The following SETX variants were observed in gnomAD, a reference collection of about 807,000 sequenced individuals.
SETX encodes senataxin.
Under a neutral mutation model 227.2 loss-of-function variants are expected in SETX, and 90 were observed. The observed-to-expected ratio is 0.40, with a 90% CI of 0.33 to 0.47. The LOEUF (loss-of-function observed/expected upper bound fraction) is 0.47. SETX is among the 20% of genes least tolerant of loss of function. SETX has a pLI of 0.91. For synonymous variants in SETX, 1,210 were observed against 1,113.2 expected (o/e 1.09, Z -1.73); for missense variants, 3,052 against 3,181.5 (o/e 0.96, Z 0.98).
At chr9:132,354,423 G>A (rs11243739) in intron 1 of SETX, among the ~76,000 whole-genome samples, 2,711 of 150,058 alleles carry the variant, frequency 0.018, 82 homozygotes, top group African/African-American at 0.063. Context: ...TGGAGCCCAG[G>A]AAGACGAGGT....
chr9:132,328,980 T>A lies in SETX; in HGVS notation c.2618A>T (p.Glu873Val). Residue 873 changes from glutamate (E) to valine (V), a missense_variant, in exon 10 of 26, where the codon GAA (glutamate) becomes GTA (valine). Around this residue, in one of 10 missense-constraint regions of SETX, gnomAD observed 1,483 missense variants for 1,312.0 expected, o/e 1.13. Coordinates refer to ENST00000224140, the MANE Select transcript of SETX (RefSeq NM_015046.7). ...LPKEKQLKNE[E>V]LVIFSFHENN... Reference sequence around the variant, plus strand: ...TTCATGGAAAGAGAAAATAACTAATTCTTCATTCTTTAATTGTTTCTCTTT... The same window carrying A: ...TTCATGGAAAGAGAAAATAACTAATACTTCATTCTTTAATTGTTTCTCTTT... The A allele has an allele frequency of 6.2e-7, 1 of 1,606,404 alleles. No individual in the cohort carries two copies. The highest frequency in any genetic ancestry group is 1.1e-5 in the South Asian group (1 of 89,558).
intron 10 of SETX, among the ~76,000 whole-genome samples, chr9:132,322,956 A>G (rs539739): frequency 0.76 from 115,341 of 151,950 alleles, 44,902 homozygotes; most frequent in Non-Finnish European, 0.84. Flanking sequence ...CAACGGACTT[A>G]GGAGAAAAGT....
chr9:132,309,109 G>C (rs1247546815), intron 11 of SETX, among the ~76,000 whole-genome samples: 4 of 152,272 alleles, frequency 2.6e-5, no homozygotes, highest in Non-Finnish European at 1.5e-5. Context: ...CTGCACTCCA[G>C]TCTGGGCGAC....
Position 132,329,763 on chromosome 9 carries a change from C to A in SETX, c.1835G>T (p.Cys612Phe), listed in dbSNP as rs1254663309. 3 of 1,614,002 alleles carry A rather than the reference C, an allele frequency of 1.9e-6. No homozygotes were observed. The highest frequency in any genetic ancestry group is 2.5e-6 in the Non-Finnish European group (3 of 1,180,016). Residue 612 changes from cysteine (C) to phenylalanine (F), a missense_variant, in exon 10 of 26, where the codon TGT becomes TTT. By Grantham distance (205) the Cys-to-Phe change is radical (BLOSUM62 -2). This residue lies in a region of SETX where 1,483 missense variants were observed against 1,312.0 expected (regional missense o/e 1.13). Transcript: ENST00000224140. ...CNTFVDLTSA[C>F]KISPASYNKE... Reference sequence around the variant, plus strand: ...ATTATAAGATGCAGGAGAGATTTTACATGCAGAAGTCAGATCCACAAAAGT... The same window carrying A: ...ATTATAAGATGCAGGAGAGATTTTAAATGCAGAAGTCAGATCCACAAAAGT...
In SETX at chr9:132,298,147, G is replaced by A; in HGVS notation, c.5714C>T (p.Ala1905Val). 2.5e-6 allele frequency: 4 copies of A among 1,614,062 alleles called. No individual in the cohort carries two copies. Among genetic ancestry groups the A allele is most frequent in the Non-Finnish European group, 3.4e-6 (4 of 1,179,988 alleles). ...LLGSRNQLAR[A>V]VLNPNPMDFC... ...GTCCATAGGGTTTGGATTCAGAACAGCTCTAGCCAGTTGGTTCCGACTACC... is the reference window on the plus strand; with the variant it reads ...GTCCATAGGGTTTGGATTCAGAACAACTCTAGCCAGTTGGTTCCGACTACC... Residue 1905 changes from alanine (A) to valine (V), a missense_variant, in exon 13 of 26, where the codon GCT becomes GTT. By Grantham distance (64) the Ala-to-Val change is moderately conservative. Around this residue, in one of 10 missense-constraint regions of SETX, gnomAD observed 239 missense variants for 272.1 expected, o/e 0.88. Transcript: ENST00000224140.
chr9:132,281,947 A>G (rs1375507437), intron 19 of SETX, among the ~76,000 whole-genome samples: 1 of 147,996 alleles, frequency 6.8e-6, no homozygotes, highest in Non-Finnish European at 1.5e-5. Context: ...GCTTGAACCC[A>G]GGAGGCAGAG....
intron 2 of SETX, 122 bp from the exon 3 acceptor site, chr9:132,349,557 ATCT>A: frequency 1.1e-6 from 1 of 927,186 alleles, no homozygotes; most frequent in South Asian, 1.4e-5. Flanking sequence ...TAAAACCCAA[ATCT>A]TCTGCTGGCT....
At chr9:132,280,872 GTTC>G in intron 20 of SETX, among the ~76,000 whole-genome samples, 1 of 152,176 alleles carries the variant, frequency 6.6e-6, no homozygotes, top group South Asian at 2.1e-4. Flanking sequence ...CTACAGTCTG[GTTC>G]TTCTCTTCCC....
intron 3 of SETX, among the ~76,000 whole-genome samples, chr9:132,347,892 T>C (rs1417358531): frequency 1.3e-5 from 2 of 152,120 alleles, no homozygotes; most frequent in East Asian, 3.8e-4. Flanking sequence ...TATATATCTC[T>C]ATGGTCTACG....
In SETX at chr9:132,262,191, C is replaced by T. The variant is rs1017333650; in HGVS notation, c.*2048G>A. 1 of 152,210 alleles carries T rather than the reference C, an allele frequency of 6.6e-6. No homozygotes were observed. The highest frequency in any genetic ancestry group is 1.5e-5 in the Non-Finnish European group (1 of 68,044). The allele number at this position is 152,210 out of a possible 1,614,324, so 9.4% of individuals were successfully genotyped here. ...ACACAACGTAAGAACAGGCATCAAA[C>T]TTCACTGGAAATAATATTGTTCAGT... On this transcript the variant is annotated 3_prime_UTR_variant, in exon 26 of 26. Coordinates refer to ENST00000224140, the MANE Select transcript of SETX (RefSeq NM_015046.7).
chr9:132,269,199 GCACAGCTCC>G (rs538080152), intron 25 of SETX, among the ~76,000 whole-genome samples: 312 of 152,378 alleles, frequency 2.0e-3, no homozygotes, highest in Non-Finnish European at 3.9e-3. Flanking sequence ...AGAGTGAGCA[GCACAGCTCC>G]CAGTGCCAGC....
rs776645686 is a variant in SETX at position 132,298,355 on chromosome 9, A to G, written c.5549-43T>C. 4 of 1,462,846 alleles carry G rather than the reference A, an allele frequency of 2.7e-6. No homozygotes were observed. The African/African-American group carries it at 5.7e-5, about 21-fold the overall frequency. The allele number at this position is 1,462,846 out of a possible 1,614,324, so 90.6% of individuals were successfully genotyped here. A position where few individuals can be genotyped will look rare whatever the true frequency, so the allele number is the denominator to read the frequency against. On this transcript the variant is annotated intron_variant, in intron 12 of 25. Coordinates refer to ENST00000224140, the MANE Select transcript of SETX (RefSeq NM_015046.7). ...AAAAAGCAACTTCAGTTATCACTGAATAATGCTGCCTAGTTGTAAAGGTCA... is the reference window on the plus strand; with the variant it reads ...AAAAAGCAACTTCAGTTATCACTGAGTAATGCTGCCTAGTTGTAAAGGTCA...
At chr9:132,316,570 C>A (rs1845981213) in intron 10 of SETX, among the ~76,000 whole-genome samples, 1 of 152,226 alleles carries the variant, frequency 6.6e-6, no homozygotes, top group South Asian at 2.1e-4. Flanking sequence ...ACTTTCCAAA[C>A]ATATGTGATT....
intron 1 of SETX, among the ~76,000 whole-genome samples, chr9:132,354,602 C>G (rs1367690952): frequency 6.6e-6 from 1 of 152,036 alleles, no homozygotes; most frequent in Non-Finnish European, 1.5e-5. Context: ...CGAGACCTCC[C>G]GCTCAGCCCC....
At chr9:132,339,674 G>GCAATCTCGGCTCA (rs1444287249) in intron 5 of SETX, among the ~76,000 whole-genome samples, 1 of 152,084 alleles carries the variant, frequency 6.6e-6, no homozygotes, top group African/African-American at 2.4e-5. Context: ...GTTCAATGTT[G>GCAATCTCGGCTCA]CAATCTCGGC....
chr9:132,329,848 G>C lies in SETX; in HGVS notation c.1750C>G (p.Leu584Val), dbSNP rs764995848. 9.2e-5 allele frequency: 148 copies of C among 1,614,028 alleles called. 1 individual carries two copies. The highest frequency in any genetic ancestry group is 1.2e-4 in the Non-Finnish European group (137 of 1,180,038). Residue 584 changes from leucine to valine, a missense_variant, in exon 10 of 26, where the codon CTA (leucine) becomes GTA (valine). Physicochemically the swap from Leu to Val is conservative, Grantham distance 32. Transcript: ENST00000224140. ...ATAATTTGCTTTAAGCAACTTTGTAGCTCATGGGTTTCCTGACTAGTCAAC... is the reference window on the plus strand; with the variant it reads ...ATAATTTGCTTTAAGCAACTTTGTACCTCATGGGTTTCCTGACTAGTCAAC... ...WQLTSQETHE[L>V]QSCLKQIIRN... is the part of the protein sequence containing the mutation.
At chr9:132,292,159 G>A (rs1005289904) in intron 15 of SETX, among the ~76,000 whole-genome samples, 1 of 151,950 alleles carries the variant, frequency 6.6e-6, no homozygotes, top group Non-Finnish European at 1.5e-5. Context: ...TACAGCAAAC[G>A]TGGTCAGGGG....
chr9:132,262,338 A>C lies in SETX; in HGVS notation c.*1901T>G, dbSNP rs1589593192. 6.6e-6 allele frequency: 1 copy of C among 152,348 alleles called. No individual in the cohort carries two copies. The highest frequency in any genetic ancestry group is 6.5e-5 in the Admixed American group (1 of 15,294). 9.4% of individuals were successfully genotyped at this position (152,348 alleles called of 1,614,324 possible). ...ACGTTTTTGCCATGCCTCCCTTTAG[A>C]AGCTTAGGAGTTTGTACATTCCCTA... is the stretch of plus-strand genomic sequence containing the variant. On this transcript the variant is annotated 3_prime_UTR_variant, in exon 26 of 26. Transcript: ENST00000224140.
chr9:132,305,506 T>C (rs551015792), intron 11 of SETX, among the ~76,000 whole-genome samples: 70 of 152,252 alleles, frequency 4.6e-4, no homozygotes, highest in Non-Finnish European at 8.1e-4. Context: ...AGACGCCACC[T>C]TAACAAAGCG....
Sources: gnomAD v4.1 joint callset for allele counts (sites outside exome capture counted in the v4.1 genomes callset) on GRCh38, gnomAD v4.1.1 for gene constraint, gnomAD v4.1.1 regional missense constraint, MANE v1.5 for transcripts, NCBI Gene and HGNC (gene_info 2026-07-23, HGNC 2026-07-21) for gene names.